ZNF277: variants seen among roughly 807,000 people sequenced by gnomAD.
The protein encoded by ZNF277 is zinc finger protein 277, also known as nuclear receptor-interacting factor 4.
Under a neutral mutation model 60.7 loss-of-function variants are expected in ZNF277, and 55 were observed. That is an observed-to-expected ratio of 0.91 (90% CI 0.73 to 1.13). ZNF277 has a LOEUF of 1.13. Ranked by LOEUF, ZNF277 falls within the 50% of genes most tolerant of loss-of-function variation. ZNF277 has a pLI of 0.00. For missense variants in ZNF277, 510 were observed against 523.0 expected (o/e 0.98, Z 0.24); for synonymous variants, 178 against 179.3 (o/e 0.99, Z 0.06).
At chr7:112,341,829 T>C (rs1793451344) in intron 11 of ZNF277, among the ~76,000 whole-genome samples, 1 of 152,208 alleles carries the variant, frequency 6.6e-6, no homozygotes, top group African/African-American at 2.4e-5. Context: ...CCCCCAGAAC[T>C]TTAACCAGAA....
intron 1 of ZNF277, among the ~76,000 whole-genome samples, chr7:112,256,195 T>C (rs951407097): frequency 6.6e-6 from 1 of 152,184 alleles, no homozygotes; most frequent in African/African-American, 2.4e-5. Context: ...TAAATAATTT[T>C]GATTTGAAAT....
chr7:112,305,075 G>A (rs1342743930), intron 4 of ZNF277, among the ~76,000 whole-genome samples: 5 of 152,036 alleles, frequency 3.3e-5, no homozygotes, highest in Non-Finnish European at 2.9e-5. Flanking sequence ...CTTGCTGTTT[G>A]CTGTGCTTGG....
chr7:112,244,744 A>G (rs933532817), intron 1 of ZNF277, among the ~76,000 whole-genome samples: 3 of 152,148 alleles, frequency 2.0e-5, no homozygotes, highest in Admixed American at 2.0e-4. Context: ...AATTTTATTA[A>G]CTTAGATTAG....
chr7:112,239,454 C>T (rs1202319436), intron 1 of ZNF277, among the ~76,000 whole-genome samples: 3 of 152,204 alleles, frequency 2.0e-5, no homozygotes, highest in South Asian at 2.1e-4. Context: ...TCAGGTCTGA[C>T]TCAGCACAGT....
intron 1 of ZNF277, among the ~76,000 whole-genome samples, chr7:112,276,498 A>G (rs1791796560): frequency 6.6e-6 from 1 of 152,142 alleles, no homozygotes; most frequent in Non-Finnish European, 1.5e-5. Context: ...GGAGCAAAAG[A>G]CTTGTTTTCC....
At chr7:112,304,601 T>C (rs1563222111) in intron 4 of ZNF277, among the ~76,000 whole-genome samples, 1 of 152,154 alleles carries the variant, frequency 6.6e-6, no homozygotes, top group East Asian at 1.9e-4. Context: ...TTTACTGAAC[T>C]TTTTATACTT....
At chr7:112,242,190 A>G (rs1790972968) in intron 1 of ZNF277, among the ~76,000 whole-genome samples, 1 of 152,048 alleles carries the variant, frequency 6.6e-6, no homozygotes, top group Non-Finnish European at 1.5e-5. Flanking sequence ...CTGAAAGAGT[A>G]TACAGTACAA....
chr7:112,271,136 A>AATT (rs1458494394), intron 1 of ZNF277, among the ~76,000 whole-genome samples: 1 of 152,150 alleles, frequency 6.6e-6, no homozygotes, highest in Non-Finnish European at 1.5e-5. Context: ...CTGCTGGCAG[A>AATT]ATTCATTGTT....
At chr7:112,271,741 T>C (rs1167627429) in intron 1 of ZNF277, among the ~76,000 whole-genome samples, 1 of 152,204 alleles carries the variant, frequency 6.6e-6, no homozygotes, top group Admixed American at 6.5e-5. Flanking sequence ...ATCTTAAAAT[T>C]ATACTTGGTT....
chr7:112,253,115 G>A (rs897990154), intron 1 of ZNF277, among the ~76,000 whole-genome samples: 9 of 152,118 alleles, frequency 5.9e-5, no homozygotes, highest in African/African-American at 2.2e-4. Context: ...TCAAAGAGGA[G>A]GTTGTAATGG....
intron 5 of ZNF277, among the ~76,000 whole-genome samples, chr7:112,322,027 A>G (rs1182879980): frequency 3.3e-5 from 5 of 152,098 alleles, no homozygotes; most frequent in South Asian, 2.1e-4. Flanking sequence ...GGACAGAAGA[A>G]AAAAAGAACA....
chr7:112,279,537 G>T (rs1346993859), intron 1 of ZNF277, among the ~76,000 whole-genome samples: 1 of 151,962 alleles, frequency 6.6e-6, no homozygotes, highest in Non-Finnish European at 1.5e-5. Flanking sequence ...TTTTTAATTT[G>T]GTTTATTTGG....
intron 4 of ZNF277, among the ~76,000 whole-genome samples, chr7:112,310,889 A>C (rs1792716271): frequency 6.6e-6 from 1 of 152,090 alleles, no homozygotes; most frequent in Admixed American, 6.6e-5. Flanking sequence ...TCATATATCC[A>C]TTTAGCCAAG....
At chr7:112,335,991 T>G in intron 7 of ZNF277, 113 bp from the exon 8 acceptor site, 2 of 760,762 alleles carry the variant, frequency 2.6e-6, no homozygotes, top group South Asian at 4.1e-5. Context: ...CAAAACCATT[T>G]AAACATGGGT....
intron 11 of ZNF277, among the ~76,000 whole-genome samples, chr7:112,341,855 C>T (rs1280287199): frequency 6.6e-6 from 1 of 152,178 alleles, no homozygotes; most frequent in East Asian, 1.9e-4. Flanking sequence ...TAGTTTTTCT[C>T]CTTCAGAAAA....
rs191800842 is a variant in ZNF277, at chr7:112,237,657, T to A, written c.91+30850T>A. ...CTCCCAAGATTGAACCAGGAAGAAATAGAAATCCAGAACAGTAATAAAAAT... is the reference window on the plus strand; with the variant it reads ...CTCCCAAGATTGAACCAGGAAGAAAAAGAAATCCAGAACAGTAATAAAAAT... On this transcript the variant is annotated intron_variant, in intron 1 of 11. Coordinates refer to ENST00000361822, the MANE Select transcript of ZNF277 (RefSeq NM_021994.3). 7.7e-4 allele frequency among the ~76,000 whole-genome samples: 117 copies of A among 151,714 alleles called. 2 individuals are homozygous for A. Among genetic ancestry groups the A allele is most frequent in the African/African-American group, 2.8e-3 (114 of 41,380 alleles).
At chr7:112,278,822 A>G (rs971155504) in intron 1 of ZNF277, among the ~76,000 whole-genome samples, 2 of 152,192 alleles carry the variant, frequency 1.3e-5, no homozygotes, top group African/African-American at 4.8e-5. Context: ...GTATATGTAC[A>G]TTATTGTACA....
intron 1 of ZNF277, among the ~76,000 whole-genome samples, chr7:112,283,324 T>G (rs1791989101): frequency 6.6e-6 from 1 of 152,174 alleles, no homozygotes; most frequent in Non-Finnish European, 1.5e-5. Context: ...GGTCAGGAAT[T>G]GGAGACCAGC....
intron 7 of ZNF277, among the ~76,000 whole-genome samples, chr7:112,333,496 A>G (rs968397344): frequency 6.6e-6 from 1 of 152,210 alleles, no homozygotes. Context: ...ATATGCAGTC[A>G]TTGAGTCATT....
Sources: allele counts gnomAD v4.1 joint callset (sites outside exome capture counted in the v4.1 genomes callset), GRCh38; gene constraint gnomAD v4.1.1; transcripts MANE v1.5; gene names NCBI Gene and HGNC (gene_info 2026-07-23, HGNC 2026-07-21).